Variants in SSH2 observed in about 807,000 individuals in gnomAD.
The protein encoded by SSH2 is protein phosphatase Slingshot homolog 2.
Under a neutral mutation model 135.2 loss-of-function variants are expected in SSH2, and 37 were observed. That is an observed-to-expected ratio of 0.27 (90% CI 0.21 to 0.36). SSH2 has a LOEUF of 0.36. Among genes scored for constraint, SSH2 ranks in the 10% least tolerant of loss-of-function variants. SSH2 has a pLI of 1.00. For synonymous variants in SSH2, 628 were observed against 646.2 expected, an observed-to-expected ratio of 0.97 and a Z score of 0.43; for missense variants, 1,408 against 1,765.3, an observed-to-expected ratio of 0.80 and a Z score of 3.63.
intron 2 of SSH2, among the ~76,000 whole-genome samples, chr17:29,813,685 G>C (rs989105671): frequency 1.3e-5 from 2 of 151,754 alleles, no homozygotes; most frequent in Non-Finnish European, 2.9e-5. Context: ...GGGCGTGGTG[G>C]CAGGTGCCTG....
At chr17:29,804,284 T>C (rs1334017396) in intron 2 of SSH2, among the ~76,000 whole-genome samples, 1 of 152,216 alleles carries the variant, frequency 6.6e-6, no homozygotes, top group African/African-American at 2.4e-5. Context: ...AAAACCTCTG[T>C]GAGACACCTA....
chr17:29,861,938 A>C (rs973976730), intron 1 of SSH2, among the ~76,000 whole-genome samples: 1 of 152,056 alleles, frequency 6.6e-6, no homozygotes, highest in East Asian at 1.9e-4. Flanking sequence ...GGAAGCAAAA[A>C]ATTAATTAAG....
chr17:29,892,755 A>ATC (rs968120714), intron 1 of SSH2, among the ~76,000 whole-genome samples: 7 of 151,188 alleles, frequency 4.6e-5, no homozygotes, highest in African/African-American at 1.5e-4. Context: ...AACCTTCCAA[A>ATC]TCTCTCTCTC....
rs911279600 is a variant in SSH2 at position 29,773,231 on chromosome 17, A to G, written c.188+20663T>C. ...ACACTGCACACTTGGAATCCTACCT[A>G]ACTAAACAGGAAGATTAAATCAGAA... On this transcript the variant is annotated intron_variant, in intron 3 of 15. Coordinates refer to ENST00000540801, the MANE Select transcript of SSH2 (RefSeq NM_001282129.2). Among the ~76,000 whole-genome samples, 3 of 152,170 alleles carry G rather than the reference A, an allele frequency of 2.0e-5. No homozygotes were observed. In the East Asian group the frequency reaches 5.8e-4, roughly 29 times the overall value.
intron 3 of SSH2, among the ~76,000 whole-genome samples, chr17:29,775,331 C>T (rs970672363): frequency 6.6e-6 from 1 of 150,816 alleles, no homozygotes; most frequent in African/African-American, 2.4e-5. Flanking sequence ...CTCTAGCGCC[C>T]ATGCTGAAGT....
chr17:29,929,728 A>C, intron 1 of SSH2: 1 of 594,442 alleles, frequency 1.7e-6, no homozygotes. Context: ...GTGAGGAGCT[A>C]GGTGCTCAGG....
chr17:29,809,584 C>A (rs933407315), intron 2 of SSH2, among the ~76,000 whole-genome samples: 21 of 152,012 alleles, frequency 1.4e-4, no homozygotes, highest in African/African-American at 5.1e-4. Context: ...GAGATGAAAT[C>A]TAACTCTGAA....
intron 1 of SSH2, among the ~76,000 whole-genome samples, chr17:29,917,433 A>C (rs1055225886): frequency 6.6e-6 from 1 of 152,164 alleles, no homozygotes; most frequent in Admixed American, 6.6e-5. Context: ...GCAATTAAAC[A>C]TGCTTAGTTT....
intron 3 of SSH2, among the ~76,000 whole-genome samples, chr17:29,775,036 T>TA (rs1345721630): frequency 6.6e-6 from 1 of 152,152 alleles, no homozygotes; most frequent in Non-Finnish European, 1.5e-5. Context: ...ATTGCAGAGT[T>TA]AAGTTTATGA....
At chr17:29,928,341 T>C in intron 1 of SSH2, 1 of 392,976 alleles carries the variant, frequency 2.5e-6, no homozygotes, top group South Asian at 1.4e-4. Context: ...TAAAATGTTT[T>C]ACCAGCTTTG....
intron 3 of SSH2, among the ~76,000 whole-genome samples, chr17:29,745,775 C>T (rs2040739290): frequency 6.6e-6 from 1 of 152,106 alleles, no homozygotes; most frequent in South Asian, 2.1e-4. Context: ...ATTTAAGCTA[C>T]CATATCGTAT....
intron 3 of SSH2, among the ~76,000 whole-genome samples, chr17:29,773,379 T>C (rs2041629567): frequency 6.6e-6 from 1 of 152,208 alleles, no homozygotes; most frequent in Admixed American, 6.5e-5. Context: ...ATTTTTTGTT[T>C]AATTACATTT....
At chr17:29,832,179 T>C (rs1367815272) in intron 2 of SSH2, among the ~76,000 whole-genome samples, 1 of 152,244 alleles carries the variant, frequency 6.6e-6, no homozygotes, top group African/African-American at 2.4e-5. Flanking sequence ...GGTCTCGCTC[T>C]GTTGCCCAGG....
chr17:29,782,967 C>T (rs552831466), intron 3 of SSH2, among the ~76,000 whole-genome samples: 1 of 152,152 alleles, frequency 6.6e-6, no homozygotes, highest in Non-Finnish European at 1.5e-5. Flanking sequence ...TTGATCTTCC[C>T]GTCTTGGGCT....
chr17:29,829,464 T>TTGTGTGTG (rs113871041), intron 2 of SSH2, among the ~76,000 whole-genome samples: 3 of 149,722 alleles, frequency 2.0e-5, no homozygotes, highest in African/African-American at 7.4e-5. Flanking sequence ...TGTCGATGGC[T>TTGTGTGTG]TGTGTGTGTG....
chr17:29,660,595 A>AC, intron 11 of SSH2, among the ~76,000 whole-genome samples: 1 of 150,090 alleles, frequency 6.7e-6, no homozygotes, highest in East Asian at 2.0e-4. Flanking sequence ...TAAAATGAAA[A>AC]CCCCTTCCCA....
At chr17:29,662,024 TC>T (rs1407271589) in intron 11 of SSH2, among the ~76,000 whole-genome samples, 1 of 151,800 alleles carries the variant, frequency 6.6e-6, no homozygotes, top group South Asian at 2.1e-4. Context: ...AGACCCAATT[TC>T]CCCCCCGCCC....
chr17:29,813,028 A>G (rs908658057), intron 2 of SSH2, among the ~76,000 whole-genome samples: 12 of 152,236 alleles, frequency 7.9e-5, no homozygotes, highest in African/African-American at 2.7e-4. Context: ...ACCGTATATA[A>G]AAGAATGAAT....
intron 5 of SSH2, 89 bp from the exon 6 acceptor site, chr17:29,684,773 A>G (rs1254177429): frequency 1.7e-5 from 22 of 1,286,370 alleles, no homozygotes; most frequent in Non-Finnish European, 2.4e-5. Context: ...ATCTTAAAGC[A>G]TACTCACGAA....
Sources: gnomAD v4.1 joint callset for allele counts (sites outside exome capture counted in the v4.1 genomes callset) on GRCh38, gnomAD v4.1.1 for gene constraint, MANE v1.5 for transcripts, NCBI Gene and HGNC (gene_info 2026-07-23, HGNC 2026-07-21) for gene names.